Variants in PANK4 observed in about 807,000 individuals in gnomAD.
PANK4 encodes 4'-phosphopantetheine phosphatase.
In PANK4, 40 loss-of-function variants were observed where a neutral mutation model predicts 87.9. The observed-to-expected ratio is 0.46, with a 90% CI of 0.35 to 0.59. PANK4 has a LOEUF of 0.59. PANK4 is among the 20% of genes least tolerant of loss of function. The pLI, the probability that PANK4 is intolerant of heterozygous loss-of-function variation, is 0.00. For synonymous variants in PANK4, 524 were observed against 467.4 expected, an observed-to-expected ratio of 1.12 and a Z score of -1.56; for missense variants, 926 against 1,072.3, an observed-to-expected ratio of 0.86 and a Z score of 1.90.
chr1:2,519,199 G>C lies in PANK4; in HGVS notation c.979C>G (p.Arg327Gly). 1 of 1,612,804 alleles carries C rather than the reference G, an allele frequency of 6.2e-7. No homozygotes were observed. Among genetic ancestry groups the C allele is most frequent in the Non-Finnish European group, 8.5e-7 (1 of 1,179,928 alleles). Residue 327 changes from arginine (R) to glycine (G), a missense_variant, in exon 7 of 19, where the codon CGG becomes GGG. Coordinates refer to ENST00000378466, the MANE Select transcript of PANK4 (RefSeq NM_018216.4). The surrounding 1 kb of genome is among the most constrained non-coding windows in gnomAD (Gnocchi z 8.3). ...DRVYFGGFFI[R>G]GHPVTMRTIT... ...GTGCGCATGGTCACGGGGTGGCCCC[G>C]GATAAAGAAGCCTCCAAAGTACACG...
At chr1:2,513,605 G>A (rs1278830544) in intron 12 of PANK4, among the ~76,000 whole-genome samples, 7 of 152,222 alleles carry the variant, frequency 4.6e-5, no homozygotes, top group Non-Finnish European at 5.9e-5. Context: ...GAGCCAGGGT[G>A]GTCCAGGGTT....
chr1:2,517,603 C>T (rs1427754321), intron 9 of PANK4, among the ~76,000 whole-genome samples: 3 of 152,348 alleles, frequency 2.0e-5, no homozygotes, highest in South Asian at 2.1e-4. Flanking sequence ...GGGACCCTTC[C>T]GGAGCAGCTC....
Position 2,519,438 on chromosome 1 carries a change from G to A in PANK4, c.854-114C>T, listed in dbSNP as rs1237030383. 4.5e-6 allele frequency: 1 copy of A among 223,398 alleles called. No individual in the cohort carries two copies. 13.8% of individuals were successfully genotyped at this position (223,398 alleles called of 1,614,324 possible). A position where few individuals can be genotyped will look rare whatever the true frequency, so the allele number is the denominator to read the frequency against. On this transcript the variant is annotated intron_variant, in intron 6 of 18. Coordinates refer to ENST00000378466, the MANE Select transcript of PANK4 (RefSeq NM_018216.4). This position sits in a 1 kb window ranked among gnomAD's most constrained non-coding sequence, Gnocchi z 8.3. ...GAGTGGGAGGGGAGGGGGAGAGAGA[G>A]CTGAGTGGGAGGGGAGGGGGAGAGA...
chr1:2,523,759 G>A (rs1035240749), intron 1 of PANK4, among the ~76,000 whole-genome samples: 2 of 152,100 alleles, frequency 1.3e-5, no homozygotes, highest in African/African-American at 4.8e-5. Flanking sequence ...TTAGAGCAGA[G>A]GGAACCGCCT....
Position 2,521,405 on chromosome 1 carries a change from C to T in PANK4, c.208-90G>A, listed in dbSNP as rs547988195. Reference sequence around the variant, plus strand: ...CCCTGCCCTAGTGGAGCTGGCTGTTCGCGCCAGCCTTCAACCAGGCGGCGC... The same window carrying T: ...CCCTGCCCTAGTGGAGCTGGCTGTTTGCGCCAGCCTTCAACCAGGCGGCGC... On this transcript the variant is annotated intron_variant, in intron 2 of 18. Coordinates refer to ENST00000378466, the MANE Select transcript of PANK4 (RefSeq NM_018216.4). The T allele has an allele frequency of 1.0e-3, 1,093 of 1,064,220 alleles. 7 individuals carry two copies. The African/African-American group carries it at 0.015, about 15-fold the overall frequency. The allele number at this position is 1,064,220 out of a possible 1,614,324, so 65.9% of individuals were successfully genotyped here.
At position 2,510,139 on chromosome 1, in the gene PANK4, A is replaced by C; in HGVS notation, c.1957T>G (p.Ser653Ala). 6.2e-7 allele frequency: 1 copy of C among 1,606,938 alleles called. No homozygotes were observed. The highest frequency in any genetic ancestry group is 8.5e-7 in the Non-Finnish European group (1 of 1,177,020). ...GTCACGTCGTTCAGGGCGGGGCCTG[A>C]GTTGCACGCCAGGATGACCTGCAGG... ...RGTEVILACN[S>A]GPALNDVTHS... is the part of the protein sequence containing the mutation. The change falls in exon 17 of 19, where the codon TCA (serine) becomes GCA (alanine). Residue 653 changes from serine (S) to alanine (A), a missense_variant. By Grantham distance (99) the Ser-to-Ala change is moderately conservative. Coordinates refer to ENST00000378466, the MANE Select transcript of PANK4 (RefSeq NM_018216.4). The surrounding 1 kb of genome is among the most constrained non-coding windows in gnomAD (Gnocchi z 4.9).
Position 2,509,092 on chromosome 1 carries a change from C to T in PANK4, c.2109-32G>A, listed in dbSNP as rs1363192845. On this transcript the variant is annotated intron_variant, in intron 18 of 18. Transcript: ENST00000378466. The surrounding 1 kb of genome is among the most constrained non-coding windows in gnomAD (Gnocchi z 4.9). ...GGAGGAAGAGGACGGTGAGACTGGG[C>T]AAGCAGACCCCAGACCCCACTTCCC... 6.5e-7 allele frequency: 1 copy of T among 1,536,778 alleles called. No homozygotes were observed. Among genetic ancestry groups the T allele is most frequent in the East Asian group, 2.3e-5 (1 of 43,626 alleles).
chr1:2,508,612 T>TATA lies in PANK4; in HGVS notation c.*234_*235insTAT. The TATA allele has an allele frequency of 4.3e-6, 1 of 230,598 alleles. No individual in the cohort carries two copies. Among genetic ancestry groups the TATA allele is most frequent in the Non-Finnish European group, 7.9e-6 (1 of 126,194 alleles). 14.3% of individuals were successfully genotyped at this position (230,598 alleles called of 1,614,324 possible). On this transcript the variant is annotated 3_prime_UTR_variant, in exon 19 of 19. Transcript: ENST00000378466. The surrounding 1 kb of genome is among the most constrained non-coding windows in gnomAD (Gnocchi z 5.1). Reference sequence around the variant, plus strand: ...GACATACCTGTATAGATCTCTCTATTTATATATATATATATATAAAAGGTT... The same window carrying TATA: ...GACATACCTGTATAGATCTCTCTATTATATATATATATATATATATAAAAGGTT...
chr1:2,519,877 G>T lies in PANK4; in HGVS notation c.777C>A (p.Gly259=). 6.4e-7 allele frequency: 1 copy of T among 1,567,522 alleles called. No homozygotes were observed. ...NVDMLVRDVY[G]GAHQTLGLSG... ...TCAGCCCGAGAGTCTGGTGGGCGCC[G>T]CCGTAGACGTCCCGCACCAGCATGT... The change falls in exon 6 of 19, where the codon GGC becomes GGA. Residue 259 remains glycine, a synonymous_variant. Transcript: ENST00000378466. The surrounding 1 kb of genome is among the most constrained non-coding windows in gnomAD (Gnocchi z 8.3).
At position 2,510,189 on chromosome 1, in the gene PANK4, C is replaced by T; in HGVS notation, c.1939-32G>A. 7.3e-7 allele frequency: 1 copy of T among 1,369,038 alleles called. No homozygotes were observed. The highest frequency in any genetic ancestry group is 1.0e-6 in the Non-Finnish European group (1 of 975,758). The allele number at this position is 1,369,038 out of a possible 1,614,324, so 84.8% of individuals were successfully genotyped here. A position where few individuals can be genotyped will look rare whatever the true frequency, so the allele number is the denominator to read the frequency against. ...GAGGAGGGCCCAGGCTCTTTAGGAACCTGTGCTGGCCCAGCATGGAGCCTG... is the reference window on the plus strand; with the variant it reads ...GAGGAGGGCCCAGGCTCTTTAGGAATCTGTGCTGGCCCAGCATGGAGCCTG... On this transcript the variant is annotated intron_variant, in intron 16 of 18. Transcript: ENST00000378466. This position sits in a 1 kb window ranked among gnomAD's most constrained non-coding sequence, Gnocchi z 4.9.
Position 2,514,413 on chromosome 1 carries a change from C to T in PANK4, c.1428G>A (p.Arg476=), listed in dbSNP as rs1643721110. The change falls in exon 11 of 19, where the codon AGG becomes AGA. Residue 476 remains arginine, a synonymous_variant. Transcript: ENST00000378466. Reference sequence around the variant, plus strand: ...AGTACTTCTGCCGGAACTTCTCCGCCCTCTCGGCTGCATCCACAGAGTCTG... The same window carrying T: ...AGTACTTCTGCCGGAACTTCTCCGCTCTCTCGGCTGCATCCACAGAGTCTG... ...SQPDSVDAAE[R]AEKFRQKYWN... 1 of 1,612,318 alleles carries T rather than the reference C, an allele frequency of 6.2e-7. No individual in the cohort carries two copies. Among genetic ancestry groups the T allele is most frequent in the Non-Finnish European group, 8.5e-7 (1 of 1,179,910 alleles).
rs1004984382 is a variant in PANK4 at position 2,519,562 on chromosome 1, C to G, written c.854-238G>C. ...AGCTTTGTTTTGAAGGAGGAAAAAA[C>G]CCAATCAGGAAACTATTTTTTCTTC... On this transcript the variant is annotated intron_variant, in intron 6 of 18. Coordinates refer to ENST00000378466, the MANE Select transcript of PANK4 (RefSeq NM_018216.4). The surrounding 1 kb of genome is among the most constrained non-coding windows in gnomAD (Gnocchi z 8.3). Among the ~76,000 whole-genome samples, 1 of 152,220 alleles carries G rather than the reference C, an allele frequency of 6.6e-6. No individual in the cohort carries two copies. The highest frequency in any genetic ancestry group is 6.5e-5 in the Admixed American group (1 of 15,290).
chr1:2,521,326 G>C lies in PANK4; in HGVS notation c.208-11C>G. On this transcript the variant is annotated splice_polypyrimidine_tract_variant and intron_variant, in intron 2 of 18. Coordinates refer to ENST00000378466, the MANE Select transcript of PANK4 (RefSeq NM_018216.4). Reference sequence around the variant, plus strand: ...TTCACGTTCTGTGTCCTGGAAAACAGAGTAGGGGAGGCCGCATGTGTGTGG... The same window carrying C: ...TTCACGTTCTGTGTCCTGGAAAACACAGTAGGGGAGGCCGCATGTGTGTGG... The C allele has an allele frequency of 6.2e-7, 1 of 1,606,208 alleles. No homozygotes were observed. Among genetic ancestry groups the C allele is most frequent in the Non-Finnish European group, 8.5e-7 (1 of 1,173,142 alleles).
At position 2,512,929 on chromosome 1, in the gene PANK4, C is replaced by T. The variant is rs746752374; in HGVS notation, c.1686G>A (p.Leu562=). The change falls in exon 13 of 19, where the codon CTG becomes CTA. Residue 562 remains leucine (L), a synonymous_variant. Transcript: ENST00000378466. The part of the protein sequence containing the change: ...ERQLALVKGL[L]AGNVFDWGAK... ...CCCCCCAGTCGAAGACATTCCCCGCCAGGAGGCCTTTCACCAGCGCCAGCT... is the reference window on the plus strand; with the variant it reads ...CCCCCCAGTCGAAGACATTCCCCGCTAGGAGGCCTTTCACCAGCGCCAGCT... The T allele has an allele frequency of 3.1e-6, 5 of 1,612,736 alleles. No homozygotes were observed. The African/African-American group carries it at 5.3e-5, about 17-fold the overall frequency.
In PANK4 at chr1:2,511,822, G is replaced by A. The variant is rs1643667219; in HGVS notation, c.1728-139C>T. On this transcript the variant is annotated intron_variant, in intron 13 of 18. Transcript: ENST00000378466. ...TGTAAAGATCCCAAATCCCTCCCAG[G>A]TGGGACAGGGGCAGCTGCTCAACGT... 2.4e-5 allele frequency: 16 copies of A among 663,344 alleles called. No individual in the cohort carries two copies. In the South Asian group the frequency reaches 2.6e-4, roughly 11 times the overall value. 41.1% of individuals were successfully genotyped at this position (663,344 alleles called of 1,614,324 possible).
chr1:2,515,625 G>C lies in PANK4; in HGVS notation c.1311C>G (p.Asp437Glu). 3 of 1,613,276 alleles carry C rather than the reference G, an allele frequency of 1.9e-6. No homozygotes were observed. Among genetic ancestry groups the C allele is most frequent in the Non-Finnish European group, 2.5e-6 (3 of 1,179,936 alleles). ...DPPSYVPDTV[D>E]LTDDALARKY... ...TTCGGGCCAGAGCGTCATCGGTGAG[G>C]TCCACCGTGTCGGGCACGTAGGAGG... The change falls in exon 10 of 19, where the codon GAC (aspartate) becomes GAG (glutamate). Residue 437 changes from aspartate to glutamate, a missense_variant. By Grantham distance (45) the Asp-to-Glu change is conservative (BLOSUM62 2). Transcript: ENST00000378466. This position sits in a 1 kb window ranked among gnomAD's most constrained non-coding sequence, Gnocchi z 5.0.
In PANK4 at chr1:2,508,669, G is replaced by A. The variant is rs896621300; in HGVS notation, c.*178C>T. On this transcript the variant is annotated 3_prime_UTR_variant, in exon 19 of 19. Coordinates refer to ENST00000378466, the MANE Select transcript of PANK4 (RefSeq NM_018216.4). This position sits in a 1 kb window ranked among gnomAD's most constrained non-coding sequence, Gnocchi z 5.1. ...CAGTTAAATAGATTCCAATATGAAC[G>A]TCTCCCAGGACAAAGCTGCGTCTCG... 1.3e-4 allele frequency: 71 copies of A among 536,620 alleles called. No individual in the cohort carries two copies. The highest frequency in any genetic ancestry group is 1.7e-4 in the Non-Finnish European group (52 of 303,102). 33.2% of individuals were successfully genotyped at this position (536,620 alleles called of 1,614,324 possible).
At chr1:2,512,688 G>A (rs1257570593) in intron 13 of PANK4, 200 bp downstream of exon 13, 2 of 589,062 alleles carry the variant, frequency 3.4e-6, no homozygotes, top group Admixed American at 6.3e-5. Context: ...GAACCTGAGG[G>A]GACAGACAAG....
intron 2 of PANK4, 48 bp from the exon 3 acceptor site, chr1:2,521,363 G>A (rs374814099): frequency 6.5e-5 from 94 of 1,448,230 alleles, no homozygotes; most frequent in South Asian, 1.0e-4. Context: ...ACACCGCGCC[G>A]GGCTGGGCTG....
Sources: gnomAD v4.1 joint callset for allele counts (sites outside exome capture counted in the v4.1 genomes callset) on GRCh38, gnomAD v4.1.1 for gene constraint, Gnocchi (gnomAD v3.1) non-coding constraint, MANE v1.5 for transcripts, NCBI Gene and HGNC (gene_info 2026-07-23, HGNC 2026-07-21) for gene names.